Variants in ST3GAL6 observed in about 807,000 individuals in gnomAD.
ST3GAL6 encodes the protein ST3 beta-galactoside alpha-2,3-sialyltransferase 6, also known as type 2 lactosamine alpha-2,3-sialyltransferase.
Under a neutral mutation model 40.5 loss-of-function variants are expected in ST3GAL6, and 31 were observed. The observed-to-expected ratio is 0.77, with a 90% confidence interval of 0.58 to 1.03. The LOEUF is 1.03. ST3GAL6 is among the 50% of genes least tolerant of loss of function. The probability of loss-of-function intolerance (pLI) is 0.00; values close to 1 mark genes in which losing one functional copy is unlikely to be tolerated. For missense variants in ST3GAL6, 357 were observed against 393.2 expected (o/e 0.91, Z 0.78); for synonymous variants, 129 against 136.9 (o/e 0.94, Z 0.40).
At chr3:98,791,800 C>T in intron 8 of ST3GAL6, 41 bp from the exon 9 acceptor site, 1 of 1,571,632 alleles carries the variant, frequency 6.4e-7, no homozygotes, top group Non-Finnish European at 8.7e-7. Flanking sequence ...TAACAAGTAG[C>T]TCCTTTTGCT....
At chr3:98,764,661 G>A (rs965120388) in intron 1 of ST3GAL6, among the ~76,000 whole-genome samples, 2 of 152,298 alleles carry the variant, frequency 1.3e-5, no homozygotes, top group East Asian at 1.9e-4. Flanking sequence ...TTGAGTCCTC[G>A]TTCTGCTACT....
At chr3:98,760,867 A>G (rs568313062), upstream of ST3GAL6, among the ~76,000 whole-genome samples, 1 of 152,358 alleles carries the variant, frequency 6.6e-6, no homozygotes, top group Admixed American at 6.5e-5. Context: ...TGACCATACA[A>G]TGGGATGCTA....
At chr3:98,760,057 A>G (rs1234322997), upstream of ST3GAL6, among the ~76,000 whole-genome samples, 1 of 152,184 alleles carries the variant, frequency 6.6e-6, no homozygotes, top group East Asian at 1.9e-4. Context: ...TTTCAAAGGG[A>G]ATCTGACTAG....
In ST3GAL6 at chr3:98,774,091, C is replaced by T. The variant is rs545714006; in HGVS notation, c.335+108C>T. The T allele has an allele frequency of 4.8e-4, 446 of 920,334 alleles. 1 individual carries two copies. The highest frequency in any genetic ancestry group is 8.0e-4 in the South Asian group (50 of 62,446). 57.0% of individuals were successfully genotyped at this position (920,334 alleles called of 1,614,324 possible). A position where few individuals can be genotyped will look rare whatever the true frequency, so the allele number is the denominator to read the frequency against. ...GTATTTACTCAGGAAAATTTCATAG[C>T]GTTTGTGCATAACCAAAATTTCTAG... On this transcript the variant is annotated intron_variant, in intron 5 of 9. Transcript: ENST00000483910.
rs975387801 is a variant in ST3GAL6, at chr3:98,771,315, C to T, written c.167+359C>T. On this transcript the variant is annotated intron_variant, in intron 3 of 9. Coordinates refer to ENST00000483910, the MANE Select transcript of ST3GAL6 (RefSeq NM_001323368.2). ...CTTATTAATTTGTGGCTTCTCCTTC[C>T]TTGCCTCTAGGTTAAACTTTTTGAG... is the stretch of plus-strand genomic sequence containing the variant. 14 of 400,242 alleles carry T rather than the reference C, an allele frequency of 3.5e-5. 1 individual carries two copies. Among genetic ancestry groups the T allele is most frequent in the Middle Eastern group, 3.9e-4 (1 of 2,564 alleles). 24.8% of individuals were successfully genotyped at this position (400,242 alleles called of 1,614,324 possible).
At chr3:98,788,246 C>A in intron 7 of ST3GAL6, 24 bp downstream of exon 7, 1 of 1,600,082 alleles carries the variant, frequency 6.2e-7, no homozygotes, top group South Asian at 1.1e-5. Context: ...ATTGTTCTGC[C>A]TTCAGATTAC....
chr3:98,778,453 C>CT (rs1222610260), intron 5 of ST3GAL6, among the ~76,000 whole-genome samples: 1 of 152,192 alleles, frequency 6.6e-6, no homozygotes, highest in African/African-American at 2.4e-5. Context: ...TGCAGAGTTT[C>CT]TTTACATTGC....
At chr3:98,743,211 G>A (rs1481537248) in intron 1 of ST3GAL6, among the ~76,000 whole-genome samples, 2 of 151,312 alleles carry the variant, frequency 1.3e-5, no homozygotes, top group South Asian at 4.2e-4. Flanking sequence ...CTGGAGATGG[G>A]GTTTCACCAT....
At chr3:98,769,090 T>A (rs1187538910) in intron 2 of ST3GAL6, among the ~76,000 whole-genome samples, 1 of 152,192 alleles carries the variant, frequency 6.6e-6, no homozygotes, top group African/African-American at 2.4e-5. Flanking sequence ...AAAGTTTTGA[T>A]GACCTTTAAA....
chr3:98,732,657 C>A, intron 1 of ST3GAL6: 1 of 511,876 alleles, frequency 2.0e-6, no homozygotes, highest in Non-Finnish European at 3.4e-6. Flanking sequence ...CTGGCGCCAG[C>A]CGCGGAGCAG....
intron 1 of ST3GAL6, among the ~76,000 whole-genome samples, chr3:98,755,039 T>C (rs762727805): frequency 2.0e-5 from 3 of 152,198 alleles, no homozygotes; most frequent in Non-Finnish European, 4.4e-5. Flanking sequence ...TCTGAATTTA[T>C]TTTTTATTTA....
chr3:98,754,443 G>T (rs1451163866), intron 1 of ST3GAL6, among the ~76,000 whole-genome samples: 2 of 152,214 alleles, frequency 1.3e-5, no homozygotes, highest in Non-Finnish European at 2.9e-5. Flanking sequence ...TTATGCAGGA[G>T]CAAAGAAAGT....
At chr3:98,755,030 C>T (rs1426970432) in intron 1 of ST3GAL6, among the ~76,000 whole-genome samples, 2 of 152,070 alleles carry the variant, frequency 1.3e-5, no homozygotes, top group African/African-American at 4.8e-5. Flanking sequence ...TTCAGTGTGT[C>T]TGAATTTATT....
intron 1 of ST3GAL6, among the ~76,000 whole-genome samples, chr3:98,750,158 C>A (rs1936888003): frequency 6.6e-6 from 1 of 152,194 alleles, no homozygotes; most frequent in South Asian, 2.1e-4. Flanking sequence ...ACTGAAATCA[C>A]AAATTCATTC....
intron 1 of ST3GAL6, among the ~76,000 whole-genome samples, chr3:98,736,160 C>T (rs1935527545): frequency 6.6e-6 from 1 of 152,160 alleles, no homozygotes; most frequent in South Asian, 2.1e-4. Flanking sequence ...AGGGGCCTTC[C>T]TCTTCCTGCA....
intron 1 of ST3GAL6, among the ~76,000 whole-genome samples, chr3:98,746,182 G>A (rs574486747): frequency 3.3e-5 from 5 of 152,278 alleles, no homozygotes; most frequent in Non-Finnish European, 5.9e-5. Flanking sequence ...TTATGCTAGT[G>A]ATATGAATTT....
At chr3:98,747,349 C>A (rs1412264110) in intron 1 of ST3GAL6, among the ~76,000 whole-genome samples, 1 of 152,102 alleles carries the variant, frequency 6.6e-6, no homozygotes, top group African/African-American at 2.4e-5. Context: ...TTCAGAGATT[C>A]ATAGTGTTTT....
At chr3:98,734,401 C>G (rs1935343147) in intron 1 of ST3GAL6, among the ~76,000 whole-genome samples, 1 of 152,116 alleles carries the variant, frequency 6.6e-6, no homozygotes, top group Non-Finnish European at 1.5e-5. Flanking sequence ...CACAGAGGGT[C>G]TTTGGATAAT....
intron 2 of ST3GAL6, among the ~76,000 whole-genome samples, 156 bp from the exon 3 acceptor site, chr3:98,770,723 G>C (rs1307334022): frequency 1.3e-5 from 2 of 152,142 alleles, no homozygotes; most frequent in African/African-American, 4.8e-5. Flanking sequence ...AGGGCTTGGA[G>C]AAGGTACTGG....
Sources: allele counts gnomAD v4.1 joint callset (sites outside exome capture counted in the v4.1 genomes callset), GRCh38; gene constraint gnomAD v4.1.1; transcripts MANE v1.5; gene names NCBI Gene and HGNC (gene_info 2026-07-23, HGNC 2026-07-21).